PPP2R5C: variants seen among roughly 807,000 people sequenced by gnomAD.
PPP2R5C encodes the protein serine/threonine-protein phosphatase 2A 56 kDa regulatory subunit gamma isoform.
Under a neutral mutation model 68.9 loss-of-function variants are expected in PPP2R5C, and 7 were observed. The ratio of observed to expected loss-of-function variants is 0.10; its 90% CI spans 0.06 to 0.19. PPP2R5C has a LOEUF of 0.19. Among genes scored for constraint, PPP2R5C ranks in the 10% least tolerant of loss-of-function variants. The probability of loss-of-function intolerance (pLI) is 1.00; values close to 1 mark genes in which losing one functional copy is unlikely to be tolerated. For missense variants in PPP2R5C, 348 were observed against 641.3 expected (o/e 0.54, Z 4.94); for synonymous variants, 210 against 222.2 (o/e 0.95, Z 0.49).
At chr14:101,779,659 G>A (rs769947512) in intron 2 of PPP2R5C, among the ~76,000 whole-genome samples, 3 of 152,100 alleles carry the variant, frequency 2.0e-5, no homozygotes, top group African/African-American at 4.8e-5. Flanking sequence ...GGGAGACAGC[G>A]GCTGAGCTCA....
chr14:101,871,210 T>G (rs912471574), intron 2 of PPP2R5C, among the ~76,000 whole-genome samples: 6 of 125,710 alleles, frequency 4.8e-5, no homozygotes, highest in African/African-American at 1.6e-4. Context: ...TGAGTCTTGG[T>G]TTTTTTTTGT....
intron 2 of PPP2R5C, among the ~76,000 whole-genome samples, chr14:101,769,904 T>C (rs951413926): frequency 2.0e-5 from 3 of 152,230 alleles, no homozygotes; most frequent in Admixed American, 1.3e-4. Context: ...TTTGTAAACA[T>C]GATGGCATGT....
At chr14:101,858,705 C>G (rs763959887) in intron 2 of PPP2R5C, among the ~76,000 whole-genome samples, 15 of 151,858 alleles carry the variant, frequency 9.9e-5, no homozygotes, top group South Asian at 2.1e-4. Flanking sequence ...TATATAAATT[C>G]TATATTAAGT....
chr14:101,803,720 A>C (rs1239337819), intron 3 of PPP2R5C, among the ~76,000 whole-genome samples: 1 of 149,324 alleles, frequency 6.7e-6, no homozygotes, highest in African/African-American at 2.5e-5. Context: ...GCAGAGCAAG[A>C]CTCCATCTCA....
At chr14:101,784,468 A>ATTCC (rs2037988587) in intron 2 of PPP2R5C, among the ~76,000 whole-genome samples, 1 of 150,092 alleles carries the variant, frequency 6.7e-6, no homozygotes, top group Admixed American at 6.6e-5. Context: ...GTGAAGGGGA[A>ATTCC]GCAAGGCACT....
At chr14:101,895,389 C>T (rs536270694) in intron 8 of PPP2R5C, among the ~76,000 whole-genome samples, 1 of 152,256 alleles carries the variant, frequency 6.6e-6, no homozygotes, top group African/African-American at 2.4e-5. Flanking sequence ...TAATGACATT[C>T]ATAGTGTTGC....
chr14:101,875,348 C>T (rs892402498), intron 2 of PPP2R5C, among the ~76,000 whole-genome samples: 1 of 152,144 alleles, frequency 6.6e-6, no homozygotes, highest in Non-Finnish European at 1.5e-5. Context: ...CCCAGTCATA[C>T]TTGAGATAAA....
intron 1 of PPP2R5C, among the ~76,000 whole-genome samples, chr14:101,854,047 C>G (rs2042290991): frequency 6.6e-6 from 1 of 152,056 alleles, no homozygotes; most frequent in South Asian, 2.1e-4. Flanking sequence ...AGAGGTAATT[C>G]CAAAAATGAA....
At chr14:101,811,266 A>T (rs1161052988) in intron 1 of PPP2R5C, among the ~76,000 whole-genome samples, 1 of 152,228 alleles carries the variant, frequency 6.6e-6, no homozygotes, top group Non-Finnish European at 1.5e-5. Context: ...CCTACAGGTA[A>T]CATTCAGGTA....
At chr14:101,880,571 G>A (rs1239914964) in intron 2 of PPP2R5C, among the ~76,000 whole-genome samples, 2 of 152,228 alleles carry the variant, frequency 1.3e-5, no homozygotes, top group African/African-American at 4.8e-5. Context: ...CGAGGCAGGA[G>A]GATTGCTTAA....
At chr14:101,911,969 G>A (rs56272216) in intron 11 of PPP2R5C, among the ~76,000 whole-genome samples, 17,851 of 151,852 alleles carry the variant, frequency 0.12, 1,515 homozygotes, top group East Asian at 0.3. Context: ...CAGGTCTCCT[G>A]GCTCTTAAGA....
At chr14:101,919,717 C>G (rs1037478770) in intron 13 of PPP2R5C, among the ~76,000 whole-genome samples, 4 of 152,148 alleles carry the variant, frequency 2.6e-5, no homozygotes, top group Admixed American at 2.6e-4. Flanking sequence ...CCTGTAATCC[C>G]AGCACTTTGG....
chr14:101,874,059 C>G (rs1402692066), intron 2 of PPP2R5C, among the ~76,000 whole-genome samples: 2 of 152,184 alleles, frequency 1.3e-5, no homozygotes, highest in Admixed American at 1.3e-4. Context: ...ACACTTAACT[C>G]CGTCCACCCA....
At chr14:101,836,157 T>TC in intron 1 of PPP2R5C, 5 of 689,526 alleles carry the variant, frequency 7.3e-6, no homozygotes, top group East Asian at 2.7e-5. Context: ...TGAAAGGTTT[T>TC]TTTTTTTGCA....
intron 3 of PPP2R5C, among the ~76,000 whole-genome samples, chr14:101,802,761 C>T: frequency 6.6e-6 from 1 of 151,908 alleles, no homozygotes; most frequent in East Asian, 1.9e-4. Context: ...ATCTAAAGAA[C>T]TCCTACAACT....
At chr14:101,859,282 A>T (rs748463397) in intron 2 of PPP2R5C, among the ~76,000 whole-genome samples, 1 of 152,254 alleles carries the variant, frequency 6.6e-6, no homozygotes, top group African/African-American at 2.4e-5. Context: ...TGCCGTGAAT[A>T]AAAGTAATCC....
intron 2 of PPP2R5C, among the ~76,000 whole-genome samples, chr14:101,875,597 T>C (rs2043713222): frequency 6.6e-6 from 1 of 152,166 alleles, no homozygotes; most frequent in South Asian, 2.1e-4. Context: ...GGTGCTGGGA[T>C]TGCTGTGCAT....
chr14:101,787,407 G>A (rs1407825512), intron 3 of PPP2R5C, among the ~76,000 whole-genome samples: 1 of 149,648 alleles, frequency 6.7e-6, no homozygotes, highest in African/African-American at 2.5e-5. Context: ...TGGATTTATG[G>A]GTGGGTGGAT....
At chr14:101,894,197 C>T (rs1286338405) in intron 7 of PPP2R5C, among the ~76,000 whole-genome samples, 1 of 152,232 alleles carries the variant, frequency 6.6e-6, no homozygotes, top group East Asian at 1.9e-4. Flanking sequence ...TTGTTCCCCA[C>T]TGTTAGATGA....
Sources: gnomAD v4.1 joint callset for allele counts (sites outside exome capture counted in the v4.1 genomes callset) on GRCh38, gnomAD v4.1.1 for gene constraint, MANE v1.5 for transcripts, NCBI Gene and HGNC (gene_info 2026-07-23, HGNC 2026-07-21) for gene names.